Variants in CDH18 observed in about 807,000 individuals in gnomAD.
CDH18 encodes cadherin 18, also known as cadherin-18.
Under a neutral mutation model 67.9 loss-of-function variants are expected in CDH18, and 31 were observed. That is an observed-to-expected ratio of 0.46 (90% CI 0.34 to 0.62). The LOEUF (loss-of-function observed/expected upper bound fraction) is 0.62, where lower values mean the gene tolerates loss of function less well. CDH18 is among the 20% of genes least tolerant of loss of function. The pLI is 0.01. For missense variants in CDH18, 890 were observed against 975.5 expected (o/e 0.91, Z 1.17); for synonymous variants, 362 against 347.2 (o/e 1.04, Z -0.48).
At chr5:19,700,102 T>C (rs1763043613) in intron 5 of CDH18, among the ~76,000 whole-genome samples, 1 of 152,200 alleles carries the variant, frequency 6.6e-6, no homozygotes, top group African/African-American at 2.4e-5. Context: ...GATACAATTA[T>C]ATTTTTGTAA....
intron 2 of CDH18, among the ~76,000 whole-genome samples, chr5:20,239,176 C>T (rs555144016): frequency 4.6e-5 from 7 of 152,212 alleles, no homozygotes; most frequent in South Asian, 2.1e-4. Flanking sequence ...TCCAGTAGGC[C>T]GGGTGTGGTG....
At chr5:19,993,937 C>G (rs1046754352) in intron 2 of CDH18, among the ~76,000 whole-genome samples, 18 of 152,240 alleles carry the variant, frequency 1.2e-4, no homozygotes, top group African/African-American at 4.1e-4. Context: ...CACGCTTCCT[C>G]TAACTATAAC....
chr5:20,256,984 A>C (rs1013133839), intron 1 of CDH18, among the ~76,000 whole-genome samples: 1 of 128,824 alleles, frequency 7.8e-6, no homozygotes, highest in African/African-American at 2.9e-5. Flanking sequence ...ATCTATATCT[A>C]TATCTATCTA....
At chr5:20,403,125 C>T (rs898189689) in intron 1 of CDH18, among the ~76,000 whole-genome samples, 2 of 151,944 alleles carry the variant, frequency 1.3e-5, no homozygotes, top group Non-Finnish European at 2.9e-5. Flanking sequence ...AGAGGTTGAA[C>T]CCATAAGAAA....
chr5:19,532,994 T>A (rs1227867282), intron 9 of CDH18, among the ~76,000 whole-genome samples: 1 of 152,130 alleles, frequency 6.6e-6, no homozygotes, highest in East Asian at 1.9e-4. Flanking sequence ...GAGGAGATAT[T>A]AAAGTGGCCA....
chr5:20,027,250 C>T (rs1421441847), intron 2 of CDH18, among the ~76,000 whole-genome samples: 2 of 152,008 alleles, frequency 1.3e-5, no homozygotes, highest in South Asian at 4.1e-4. Context: ...ATATAAATAG[C>T]TCCTTAACAT....
At chr5:20,134,558 A>G (rs1749541481) in intron 2 of CDH18, among the ~76,000 whole-genome samples, 1 of 152,146 alleles carries the variant, frequency 6.6e-6, no homozygotes, top group Non-Finnish European at 1.5e-5. Flanking sequence ...GTAACACATT[A>G]AGACCAGAGT....
At chr5:20,378,734 C>T (rs1209620292) in intron 1 of CDH18, among the ~76,000 whole-genome samples, 1 of 152,012 alleles carries the variant, frequency 6.6e-6, no homozygotes, top group African/African-American at 2.4e-5. Flanking sequence ...AGTGGAAATC[C>T]TGCGACAATC....
intron 8 of CDH18, among the ~76,000 whole-genome samples, chr5:19,567,791 C>T (rs191970617): frequency 5.3e-4 from 81 of 152,200 alleles, no homozygotes; most frequent in African/African-American, 1.9e-3. Context: ...TTCTGCTTCC[C>T]TTCTTAGCAT....
At chr5:20,400,922 T>C (rs1327119401) in intron 1 of CDH18, among the ~76,000 whole-genome samples, 1 of 152,228 alleles carries the variant, frequency 6.6e-6, no homozygotes, top group African/African-American at 2.4e-5. Context: ...ATGTTTTCCC[T>C]CTTTTCATTC....
intron 3 of CDH18, among the ~76,000 whole-genome samples, chr5:19,753,717 G>A (rs1771154105): frequency 6.6e-6 from 1 of 152,150 alleles, no homozygotes; most frequent in South Asian, 2.1e-4. Flanking sequence ...AATCTTAAGT[G>A]CTGTGAGACA....
intron 2 of CDH18, among the ~76,000 whole-genome samples, chr5:19,855,280 T>A (rs2149948940): frequency 6.6e-6 from 1 of 152,230 alleles, no homozygotes; most frequent in African/African-American, 2.4e-5. Flanking sequence ...ATTCACAGAC[T>A]TTCAGAGCTG....
chr5:20,245,518 A>G (rs1743306969), intron 2 of CDH18, among the ~76,000 whole-genome samples: 2 of 152,254 alleles, frequency 1.3e-5, no homozygotes, highest in South Asian at 4.1e-4. Flanking sequence ...GAGTTGTTTA[A>G]TAAGTTCTTC....
rs188821976 is a variant in CDH18, at chr5:20,555,826, T to G, written c.-580+19636A>C. Among the ~76,000 whole-genome samples the G allele has an allele frequency of 5.4e-3, 817 of 152,220 alleles. 7 individuals are homozygous for G. The highest frequency in any genetic ancestry group is 0.019 in the African/African-American group (779 of 41,524). ...ATATTCTTTCTCATCCTATTTTACT[T>G]TGTTCTTCTTAAAAATTCCCAGAGG... is the stretch of plus-strand genomic sequence containing the variant. On this transcript the variant is annotated intron_variant, in intron 1 of 14. Transcript: ENST00000507958.
intron 2 of CDH18, among the ~76,000 whole-genome samples, chr5:19,963,427 C>T (rs1277455947): frequency 6.6e-6 from 1 of 152,044 alleles, no homozygotes; most frequent in African/African-American, 2.4e-5. Flanking sequence ...ATCGAATTCC[C>T]ATAATCCCCA....
At chr5:19,654,685 G>A (rs1326895037) in intron 5 of CDH18, among the ~76,000 whole-genome samples, 34 of 152,094 alleles carry the variant, frequency 2.2e-4, no homozygotes, top group Non-Finnish European at 7.4e-5. Flanking sequence ...GTGCCCTCTT[G>A]GTACCCAGGT....
chr5:20,354,301 A>G (rs980251438), intron 1 of CDH18, among the ~76,000 whole-genome samples: 3 of 152,202 alleles, frequency 2.0e-5, no homozygotes, highest in African/African-American at 7.2e-5. Context: ...TACTTGAAAC[A>G]TTTTTTAACA....
chr5:20,326,663 T>C (rs1738619853), intron 1 of CDH18, among the ~76,000 whole-genome samples: 1 of 151,936 alleles, frequency 6.6e-6, no homozygotes, highest in African/African-American at 2.4e-5. Flanking sequence ...CTCAGCTTTC[T>C]GAGTAGCTGG....
At chr5:20,280,876 C>G (rs1010973781) in intron 1 of CDH18, among the ~76,000 whole-genome samples, 1 of 152,180 alleles carries the variant, frequency 6.6e-6, no homozygotes, top group East Asian at 1.9e-4. Flanking sequence ...CCTGTTGTTT[C>G]CTGACTTTTA....
Sources: gnomAD v4.1 joint callset for allele counts (sites outside exome capture counted in the v4.1 genomes callset) on GRCh38, gnomAD v4.1.1 for gene constraint, MANE v1.5 for transcripts, NCBI Gene and HGNC (gene_info 2026-07-23, HGNC 2026-07-21) for gene names.